Variants in MUC5B observed in about 807,000 individuals in gnomAD.
MUC5B encodes mucin-5B.
In MUC5B, 116 loss-of-function variants were observed where a neutral mutation model predicts 376.9. The observed-to-expected ratio is 0.31, with a 90% confidence interval of 0.26 to 0.36. The LOEUF is 0.36. Among genes scored for constraint, MUC5B ranks in the 10% least tolerant of loss-of-function variants. The pLI, the probability that MUC5B is intolerant of heterozygous loss-of-function variation, is 1.00. For missense variants in MUC5B, 7,165 were observed against 7,769.9 expected, an observed-to-expected ratio of 0.92 and a Z score of 2.93; for synonymous variants, 3,517 against 3,390.9, an observed-to-expected ratio of 1.04 and a Z score of -1.29.
rs769381839 is a variant in MUC5B at position 1,256,750 on chromosome 11, G to A, written c.16216G>A (p.Gly5406Ser). The change falls in exon 39 of 49, where the codon GGC becomes AGC. Residue 5406 changes from glycine to serine, a missense_variant. Gly to Ser is a moderately conservative substitution (Grantham distance 56). Around this residue, in one of 31 missense-constraint regions of MUC5B, gnomAD observed 842 missense variants for 1,016.9 expected, o/e 0.83. Transcript: ENST00000529681. ...CCAGATCCTCTTCAACGCACACATG[G>A]GCATCTGCGTGCAGGCCTGCCGTAA... The part of the protein sequence containing the change: ...EDQILFNAHM[G>S]ICVQACPCVG... 4.5e-6 allele frequency: 7 copies of A among 1,543,754 alleles called. No homozygotes were observed. In the Admixed American group the frequency reaches 1.4e-4, roughly 32 times the overall value.
At position 1,244,185 on chromosome 11, in the gene MUC5B, C is replaced by G; in HGVS notation, c.7305C>G (p.Ile2435Met). Residue 2435 changes from isoleucine (I) to methionine (M), a missense_variant, in exon 31 of 49, where the codon ATC becomes ATG. Physicochemically the swap from Ile to Met is conservative, Grantham distance 10. This residue lies in a region of MUC5B where 194 missense variants were observed against 268.5 expected (regional missense o/e 0.72). Coordinates refer to ENST00000529681, the MANE Select transcript of MUC5B (RefSeq NM_002458.3). ...MPSSTPGTTW[I>M]LTELTTTATT... Reference sequence around the variant, plus strand: ...CCTCCACTCCGGGGACGACCTGGATCCTCACAGAGCTGACCACAACAGCCA... The same window carrying G: ...CCTCCACTCCGGGGACGACCTGGATGCTCACAGAGCTGACCACAACAGCCA... The G allele has an allele frequency of 6.2e-7, 1 of 1,612,710 alleles. No individual in the cohort carries two copies.
intron 9 of MUC5B, 96 bp from the exon 10 acceptor site, chr11:1,229,594 C>A: frequency 8.8e-7 from 1 of 1,130,700 alleles, no homozygotes; most frequent in South Asian, 1.4e-5. Context: ...GCAGGAATTC[C>A]TCCCCAAGGG....
rs138598720 is a variant in MUC5B at position 1,255,282 on chromosome 11, G to C, written c.15890+16G>C. ...TGCTGAGCCAGTGAGTCCTCCCCTC[G>C]GGGGTTGCAGGCCCTGGGGCGCCCC... is the stretch of plus-strand genomic sequence containing the variant. On this transcript the variant is annotated intron_variant, in intron 36 of 48. Coordinates refer to ENST00000529681, the MANE Select transcript of MUC5B (RefSeq NM_002458.3). 4.0e-6 allele frequency: 6 copies of C among 1,483,852 alleles called. No individual in the cohort carries two copies. In the Admixed American group the frequency reaches 6.5e-5, roughly 16 times the overall value. The allele number at this position is 1,483,852 out of a possible 1,614,324, so 91.9% of individuals were successfully genotyped here. A position where few individuals can be genotyped will look rare whatever the true frequency, so the allele number is the denominator to read the frequency against.
At position 1,246,492 on chromosome 11, in the gene MUC5B, A is replaced by C. The variant is rs752359146; in HGVS notation, c.9612A>C (p.Thr3204=). Reference sequence around the variant, plus strand: ...TGACCAGCACGGCCACCACACCCACAGTCATCAGCTCCAGAGCCACTCCCT... The same window carrying C: ...TGACCAGCACGGCCACCACACCCACCGTCATCAGCTCCAGAGCCACTCCCT... ...KVLTSTATTP[T]VISSRATPSS... The change falls in exon 31 of 49, where the codon ACA becomes ACC. Residue 3204 remains threonine (T), a synonymous_variant. Coordinates refer to ENST00000529681, the MANE Select transcript of MUC5B (RefSeq NM_002458.3). 4 of 1,612,842 alleles carry C rather than the reference A, an allele frequency of 2.5e-6. No homozygotes were observed. The Admixed American group carries it at 5.0e-5, about 20-fold the overall frequency.
In MUC5B at chr11:1,257,574, C is replaced by T. The variant is rs370834666; in HGVS notation, c.16314C>T (p.Asp5438=). ...WVSNCQSCVC[D]EGSVSVQCKP... ...GCAACTGCCAGTCCTGCGTGTGTGACGAGGGTTCAGTGTCGGTGCAGTGCA... is the reference window on the plus strand; with the variant it reads ...GCAACTGCCAGTCCTGCGTGTGTGATGAGGGTTCAGTGTCGGTGCAGTGCA... Residue 5438 remains aspartate, a synonymous_variant, in exon 41 of 49, where the codon GAC becomes GAT. Coordinates refer to ENST00000529681, the MANE Select transcript of MUC5B (RefSeq NM_002458.3). This position sits in a 1 kb window ranked among gnomAD's most constrained non-coding sequence, Gnocchi z 8.9. 74 of 1,607,530 alleles carry T rather than the reference C, an allele frequency of 4.6e-5. 1 individual carries two copies. Among genetic ancestry groups the T allele is most frequent in the Admixed American group, 2.3e-4 (14 of 59,984 alleles).
rs373125118 is a variant in MUC5B, at chr11:1,249,017, C to T, written c.12137C>T (p.Thr4046Met). 224 of 1,609,876 alleles carry T rather than the reference C, an allele frequency of 1.4e-4. No individual in the cohort carries two copies. The highest frequency in any genetic ancestry group is 9.0e-4 in the Middle Eastern group (4 of 4,428). ...ACCACCCACATCACAGAGCCTTCCA[C>T]GGGGACTTCCCACACCCCAGCAGCA... ...LGTTHITEPS[T>M]GTSHTPAATT... Residue 4046 changes from threonine to methionine, a missense_variant, in exon 31 of 49, where the codon ACG becomes ATG. This residue lies in a region of MUC5B where 47 missense variants were observed against 98.5 expected (regional missense o/e 0.48). Coordinates refer to ENST00000529681, the MANE Select transcript of MUC5B (RefSeq NM_002458.3).
rs745325209 is a variant in MUC5B, at chr11:1,235,108, A to C, written c.2654A>C (p.Glu885Ala). The C allele has an allele frequency of 6.2e-7, 1 of 1,611,894 alleles. No homozygotes were observed. Among genetic ancestry groups the C allele is most frequent in the Non-Finnish European group, 8.5e-7 (1 of 1,179,282 alleles). ...AGCACCTGCAGGAACCGGAGGTGGGAGTGCAGCCACCGGCTCTGCCTGGGC... is the reference window on the plus strand; with the variant it reads ...AGCACCTGCAGGAACCGGAGGTGGGCGTGCAGCCACCGGCTCTGCCTGGGC... ...NTCTCRNRRW[E>A]CSHRLCLGTC... The change falls in exon 22 of 49, where the codon GAG (glutamate) becomes GCG (alanine). Residue 885 changes from glutamate (E) to alanine (A), a missense_variant. By Grantham distance (107) the Glu-to-Ala change is moderately radical (BLOSUM62 -1). Transcript: ENST00000529681.
intron 23 of MUC5B, among the ~76,000 whole-genome samples, chr11:1,236,090 G>A (rs933526295): frequency 1.3e-5 from 2 of 152,210 alleles, no homozygotes; most frequent in Admixed American, 6.5e-5. Flanking sequence ...GTGTGAGGGC[G>A]TGGGGGCTGC....
rs1862917671 is a variant in MUC5B at position 1,258,823 on chromosome 11, G to C, written c.16594-119G>C. 2 of 1,363,470 alleles carry C rather than the reference G, an allele frequency of 1.5e-6. No homozygotes were observed. Among genetic ancestry groups the C allele is most frequent in the Middle Eastern group, 2.5e-4 (1 of 4,044 alleles). 84.5% of individuals were successfully genotyped at this position (1,363,470 alleles called of 1,614,324 possible). On this transcript the variant is annotated intron_variant, in intron 43 of 48. Coordinates refer to ENST00000529681, the MANE Select transcript of MUC5B (RefSeq NM_002458.3). The surrounding 1 kb of genome is among the most constrained non-coding windows in gnomAD (Gnocchi z 5.5). ...CCTGGGTCCATGCTCAGCCAGGGGT[G>C]CATCTATGCTCCATCTGAGGAAGGA... is the stretch of plus-strand genomic sequence containing the variant.
chr11:1,256,849 AC>A, intron 39 of MUC5B, 78 bp downstream of exon 39: 2 of 1,136,154 alleles, frequency 1.8e-6, no homozygotes, highest in Non-Finnish European at 1.2e-6. Flanking sequence ...GCCGCCCAGG[AC>A]CATGATGTGC....
rs1485726069 is a variant in MUC5B at position 1,234,365 on chromosome 11, C to T, written c.2478+60C>T. On this transcript the variant is annotated intron_variant, in intron 20 of 48. Coordinates refer to ENST00000529681, the MANE Select transcript of MUC5B (RefSeq NM_002458.3). The surrounding 1 kb of genome is among the most constrained non-coding windows in gnomAD (Gnocchi z 6.3). ...AAGGGGTCCCAGCTTTCCCAGCTCC[C>T]GAGCCCAGGGATCTGGTGGTCCTGG... 3.1e-5 allele frequency: 48 copies of T among 1,526,142 alleles called. No individual in the cohort carries two copies. The highest frequency in any genetic ancestry group is 1.7e-4 in the Middle Eastern group (1 of 5,900). 94.5% of individuals were successfully genotyped at this position (1,526,142 alleles called of 1,614,324 possible).
rs1169341181 is a variant in MUC5B at position 1,261,618 on chromosome 11, G to T, written c.*10G>T. ...GGCCACTGCTGTCTGAGAACGTTCT[G>T]CCTCCATCCCCATGCTCTGTCCACC... is the stretch of plus-strand genomic sequence containing the variant. On this transcript the variant is annotated 3_prime_UTR_variant, in exon 49 of 49. Coordinates refer to ENST00000529681, the MANE Select transcript of MUC5B (RefSeq NM_002458.3). 6.3e-7 allele frequency: 1 copy of T among 1,595,110 alleles called. No individual in the cohort carries two copies. The highest frequency in any genetic ancestry group is 1.7e-5 in the Admixed American group (1 of 57,778).
rs193239013 is a variant in MUC5B at position 1,231,775 on chromosome 11, C to T, written c.1678+215C>T. 2.2e-3 allele frequency among the ~76,000 whole-genome samples: 334 copies of T among 152,354 alleles called. 1 individual carries two copies. The highest frequency in any genetic ancestry group is 3.1e-3 in the Non-Finnish European group (212 of 68,030). The stretch of plus-strand genomic sequence containing the variant: ...TGGGAGGATGGAGCGGGCAGCCCTG[C>T]CCTGGCTCAGGCCGACTTTGCACAG... On this transcript the variant is annotated intron_variant, in intron 14 of 48. Transcript: ENST00000529681.
chr11:1,261,716 G>A lies in MUC5B; in HGVS notation c.*108G>A. 1 of 1,138,962 alleles carries A rather than the reference G, an allele frequency of 8.8e-7. No individual in the cohort carries two copies. Among genetic ancestry groups the A allele is most frequent in the Non-Finnish European group, 1.3e-6 (1 of 783,730 alleles). 70.6% of individuals were successfully genotyped at this position (1,138,962 alleles called of 1,614,324 possible). On this transcript the variant is annotated 3_prime_UTR_variant, in exon 49 of 49. Coordinates refer to ENST00000529681, the MANE Select transcript of MUC5B (RefSeq NM_002458.3). ...CTGCGGAGCCCCCCGGCCTGTGTGT[G>A]GCACCCCGCGCTCCGTGCTCCTGCT...
In MUC5B at chr11:1,254,342, G is replaced by C. The variant is rs776885990; in HGVS notation, c.15468G>C (p.Glu5156Asp). 5 of 1,602,192 alleles carry C rather than the reference G, an allele frequency of 3.1e-6. No homozygotes were observed. In the East Asian group the frequency reaches 1.1e-4, roughly 36 times the overall value. Residue 5156 changes from glutamate (E) to aspartate (D), a missense_variant, in exon 34 of 49, where the codon GAG (glutamate) becomes GAC (aspartate). Glu to Asp is a conservative substitution (Grantham distance 45). Around this residue, in one of 31 missense-constraint regions of MUC5B, gnomAD observed 842 missense variants for 1,016.9 expected, o/e 0.83. Transcript: ENST00000529681. ...CTGTCACCATGGTGCATGGGAAGGAGGAGGGCCTGGTGAGTCCAGGCTGCG... is the reference window on the plus strand; with the variant it reads ...CTGTCACCATGGTGCATGGGAAGGACGAGGGCCTGGTGAGTCCAGGCTGCG... ...VLTVTMVHGK[E>D]EGLILFDQIP...
rs538278703 is a variant in MUC5B, at chr11:1,227,794, C to A, written c.774+13C>A. 2.9e-6 allele frequency: 2 copies of A among 699,458 alleles called. No homozygotes were observed. The highest frequency in any genetic ancestry group is 4.0e-5 in the Admixed American group (2 of 49,580). 43.3% of individuals were successfully genotyped at this position (699,458 alleles called of 1,614,324 possible). ...CTGCACGGACGAGGTGAGTCCCCCG[C>A]CACCCCCAGCTCCTGGGCAGGGACG... On this transcript the variant is annotated intron_variant, in intron 7 of 48. Coordinates refer to ENST00000529681, the MANE Select transcript of MUC5B (RefSeq NM_002458.3).
At position 1,245,861 on chromosome 11, in the gene MUC5B, C is replaced by A. The variant is rs1435845103; in HGVS notation, c.8981C>A (p.Thr2994Lys). The stretch of plus-strand genomic sequence containing the variant: ...ACTCCAGGGACGACCTGGATCCTCA[C>A]AGAGCAGACCACAGCAGCCACTACG... ...SSTPGTTWIL[T>K]EQTTAATTTA... Residue 2994 changes from threonine to lysine, a missense_variant, in exon 31 of 49, where the codon ACA (threonine) becomes AAA (lysine). Thr to Lys is a moderately conservative substitution (Grantham distance 78). This residue lies in a region of MUC5B where 939 missense variants were observed against 770.6 expected (regional missense o/e 1.22). Transcript: ENST00000529681. The A allele has an allele frequency of 6.2e-7, 1 of 1,613,492 alleles. No individual in the cohort carries two copies. Among genetic ancestry groups the A allele is most frequent in the Admixed American group, 1.7e-5 (1 of 60,004 alleles).
In MUC5B at chr11:1,253,088, G is replaced by A. The variant is rs1038042909; in HGVS notation, c.15217+108G>A. ...TGGTGGGGCACAGTGGGGTGCAGTG[G>A]GGAATGGTGGGGCATGGTGGGGCAT... is the stretch of plus-strand genomic sequence containing the variant. On this transcript the variant is annotated intron_variant, in intron 33 of 48. Transcript: ENST00000529681. The surrounding 1 kb of genome is among the most constrained non-coding windows in gnomAD (Gnocchi z 4.3). 7.9e-7 allele frequency: 1 copy of A among 1,259,242 alleles called. No individual in the cohort carries two copies. Among genetic ancestry groups the A allele is most frequent in the Admixed American group, 2.0e-5 (1 of 50,082 alleles). 78.0% of individuals were successfully genotyped at this position (1,259,242 alleles called of 1,614,324 possible).
Position 1,258,234 on chromosome 11 carries a change from G to A in MUC5B, c.16555+31G>A, listed in dbSNP as rs1862896738. 2 of 1,573,448 alleles carry A rather than the reference G, an allele frequency of 1.3e-6. No individual in the cohort carries two copies. Among genetic ancestry groups the A allele is most frequent in the Non-Finnish European group, 1.7e-6 (2 of 1,159,800 alleles). On this transcript the variant is annotated intron_variant, in intron 42 of 48. Transcript: ENST00000529681. The surrounding 1 kb of genome is among the most constrained non-coding windows in gnomAD (Gnocchi z 5.5). ...CGGGGCTGGGGCCGGGCTCCTGGGT[G>A]GCCTCTTGCTGGGGGTGGGGGAGTG...
Sources: gnomAD v4.1 joint callset for allele counts (sites outside exome capture counted in the v4.1 genomes callset) on GRCh38, gnomAD v4.1.1 for gene constraint, gnomAD v4.1.1 regional missense constraint, Gnocchi (gnomAD v3.1) non-coding constraint, MANE v1.5 for transcripts, NCBI Gene and HGNC (gene_info 2026-07-23, HGNC 2026-07-21) for gene names.